ZNF419: variants seen among roughly 807,000 people sequenced by gnomAD.
The protein encoded by ZNF419 is zinc finger protein 419A.
Under a neutral mutation model 14.9 loss-of-function variants are expected in ZNF419, and 8 were observed. The observed-to-expected ratio is 0.54, with a 90% CI of 0.32 to 0.97. The LOEUF is 0.97. Among genes scored for constraint, ZNF419 ranks in the 50% least tolerant of loss-of-function variants. ZNF419 has a pLI of 0.04. For synonymous variants in ZNF419, 211 were observed against 205.3 expected (o/e 1.03, Z -0.24); for missense variants, 595 against 607.2 (o/e 0.98, Z 0.21).
rs1299723934 is a variant in ZNF419 at position 57,494,025 on chromosome 19, A to T, written c.1468A>T (p.Lys490Ter). ...AKPYECRECGKFFRHNSSLFK... is the reference protein window; with the variant it reads ...AKPYECRECG ...GCCTTATGAGTGCAGGGAATGTGGG[A>T]AGTTTTTTCGCCACAACTCCAGTCT... Residue 490 changes from lysine (K) to a stop codon, truncating the protein, a stop_gained, in exon 5 of 5, where the codon AAG becomes TAG. Coordinates refer to ENST00000221735, the MANE Select transcript of ZNF419 (RefSeq NM_024691.4). LOFTEE classifies it low-confidence loss of function (END_TRUNC). 6.2e-7 allele frequency: 1 copy of T among 1,613,220 alleles called. No individual in the cohort carries two copies. Among genetic ancestry groups the T allele is most frequent in the African/African-American group, 1.3e-5 (1 of 74,994 alleles).
rs1406116159 is a variant in ZNF419 at position 57,495,254 on chromosome 19, T to A, written c.*1164T>A. 1 of 152,234 alleles carries A rather than the reference T, an allele frequency of 6.6e-6. No homozygotes were observed. Among genetic ancestry groups the A allele is most frequent in the African/African-American group, 2.4e-5 (1 of 41,446 alleles). The allele number at this position is 152,234 out of a possible 1,614,324, so 9.4% of individuals were successfully genotyped here. A position where few individuals can be genotyped will look rare whatever the true frequency, so the allele number is the denominator to read the frequency against. On this transcript the variant is annotated 3_prime_UTR_variant, in exon 5 of 5. Transcript: ENST00000221735. ...CTCAAGTGATCATCCTGCCTCAGCC[T>A]CCCAAAGTGCTGGGATTACAGGCAT... is the stretch of plus-strand genomic sequence containing the variant.
At chr19:57,488,018 C>T in intron 1 of ZNF419, 35 bp downstream of exon 1, 2 of 1,612,792 alleles carry the variant, frequency 1.2e-6, no homozygotes, top group East Asian at 2.2e-5. Flanking sequence ...CCCCCGAATC[C>T]TAAAGCCCTG....
At position 57,491,458 on chromosome 19, in the gene ZNF419, T is replaced by C. The variant is rs1335145221; in HGVS notation, c.73-13T>C. ...GAGGCTGCAGATAAACTCTACTCTG[T>C]CCATCTTAGCAGGGCTATGTGACCT... On this transcript the variant is annotated splice_polypyrimidine_tract_variant and intron_variant, in intron 2 of 4. Coordinates refer to ENST00000221735, the MANE Select transcript of ZNF419 (RefSeq NM_024691.4). 6.2e-7 allele frequency: 1 copy of C among 1,613,338 alleles called. No individual in the cohort carries two copies. The highest frequency in any genetic ancestry group is 8.5e-7 in the Non-Finnish European group (1 of 1,179,536).
At chr19:57,490,732 A>G (rs1170147075) in intron 2 of ZNF419, 1 of 154,922 alleles carries the variant, frequency 6.5e-6, no homozygotes, top group Non-Finnish European at 1.4e-5. Flanking sequence ...CAACATTAGA[A>G]AATACATGGA....
chr19:57,493,220 C>T lies in ZNF419; in HGVS notation c.663C>T (p.His221=). Residue 221 remains histidine, a synonymous_variant, in exon 5 of 5, where the codon CAC becomes CAT. Coordinates refer to ENST00000221735, the MANE Select transcript of ZNF419 (RefSeq NM_024691.4). ...GTCAGAAATATTTACTTGTTCAGCA[C>T]CAGAGACTACATGCTGGGAAAAAGA... ...AFGQKYLLVQ[H]QRLHAGKKTY... is the part of the protein sequence containing the mutation. 1.9e-6 allele frequency: 3 copies of T among 1,614,166 alleles called. No individual in the cohort carries two copies. Among genetic ancestry groups the T allele is most frequent in the Non-Finnish European group, 2.5e-6 (3 of 1,180,010 alleles).
In ZNF419 at chr19:57,493,102, C is replaced by G. The variant is rs776132425; in HGVS notation, c.545C>G (p.Thr182Arg). ...GTTCTCAAGCACCAGGTGACTCACA[C>G]AGGAGAGAAGTCACATAGGAGCTCC... ...SGVLKHQVTH[T>R]GEKSHRSSKS... The change falls in exon 5 of 5, where the codon ACA becomes AGA. Residue 182 changes from threonine (T) to arginine (R), a missense_variant. Physicochemically the swap from Thr to Arg is moderately conservative, Grantham distance 71. Transcript: ENST00000221735. The G allele has an allele frequency of 2.5e-6, 4 of 1,614,110 alleles. No homozygotes were observed. In the South Asian group the frequency reaches 3.3e-5, roughly 13 times the overall value.
At position 57,495,258 on chromosome 19, in the gene ZNF419, A is replaced by G. The variant is rs1600142843; in HGVS notation, c.*1168A>G. ...AGTGATCATCCTGCCTCAGCCTCCCAAAGTGCTGGGATTACAGGCATGAGC... is the reference window on the plus strand; with the variant it reads ...AGTGATCATCCTGCCTCAGCCTCCCGAAGTGCTGGGATTACAGGCATGAGC... On this transcript the variant is annotated 3_prime_UTR_variant, in exon 5 of 5. Coordinates refer to ENST00000221735, the MANE Select transcript of ZNF419 (RefSeq NM_024691.4). 6.6e-6 allele frequency: 1 copy of G among 152,290 alleles called. No individual in the cohort carries two copies. Among genetic ancestry groups the G allele is most frequent in the Non-Finnish European group, 1.5e-5 (1 of 68,064 alleles). The allele number at this position is 152,290 out of a possible 1,614,324, so 9.4% of individuals were successfully genotyped here. A position where few individuals can be genotyped will look rare whatever the true frequency, so the allele number is the denominator to read the frequency against.
At chr19:57,488,178 C>G (rs1447932890) in intron 1 of ZNF419, 195 bp downstream of exon 1, 3 of 783,298 alleles carry the variant, frequency 3.8e-6, no homozygotes, top group Non-Finnish European at 6.0e-6. Context: ...AGTCCCGAAC[C>G]TGAGGCCTCC....
In ZNF419 at chr19:57,494,151, A is replaced by G; in HGVS notation, c.*61A>G. 6.5e-7 allele frequency: 1 copy of G among 1,535,218 alleles called. No individual in the cohort carries two copies. Among genetic ancestry groups the G allele is most frequent in the South Asian group, 1.3e-5 (1 of 75,980 alleles). On this transcript the variant is annotated 3_prime_UTR_variant, in exon 5 of 5. Transcript: ENST00000221735. ...TTCAACACCAGAAAGTTCACAGTGG[A>G]AAAAATCTTGAAGGTAACAGATGGA... is the stretch of plus-strand genomic sequence containing the variant.
intron 4 of ZNF419, 196 bp downstream of exon 4, chr19:57,492,407 C>G (rs754688668): frequency 6.3e-6 from 5 of 790,950 alleles, no homozygotes; most frequent in Non-Finnish European, 9.1e-6. Context: ...ATGTTTCACC[C>G]AGTCATCAGC....
At chr19:57,491,997 T>A in intron 3 of ZNF419, 116 bp from the exon 4 acceptor site, 2 of 811,186 alleles carry the variant, frequency 2.5e-6, no homozygotes, top group Non-Finnish European at 4.0e-6. Context: ...ACTGTGTTGT[T>A]CCTGCAAGAC....
In ZNF419 at chr19:57,493,356, T is replaced by C; in HGVS notation, c.799T>C (p.Ser267Pro). ...RPYGCSNCGKSFSRNAHLIEH... is the reference protein window; with the variant it reads ...RPYGCSNCGKPFSRNAHLIEH... Reference sequence around the variant, plus strand: ...TTACGGGTGTAGTAACTGTGGAAAATCCTTTAGCCGTAATGCTCACCTCAT... The same window carrying C: ...TTACGGGTGTAGTAACTGTGGAAAACCCTTTAGCCGTAATGCTCACCTCAT... Residue 267 changes from serine (S) to proline (P), a missense_variant, in exon 5 of 5, where the codon TCC (serine) becomes CCC (proline). By Grantham distance (74) the Ser-to-Pro change is moderately conservative. Coordinates refer to ENST00000221735, the MANE Select transcript of ZNF419 (RefSeq NM_024691.4). The C allele has an allele frequency of 1.9e-6, 3 of 1,614,088 alleles. No homozygotes were observed. The highest frequency in any genetic ancestry group is 2.5e-6 in the Non-Finnish European group (3 of 1,180,024).
intron 4 of ZNF419, 156 bp from the exon 5 acceptor site, chr19:57,492,700 C>G (rs764657874): frequency 1.6e-5 from 17 of 1,060,614 alleles, no homozygotes; most frequent in Non-Finnish European, 2.5e-5. Flanking sequence ...AGATTCAGCA[C>G]TGCACAGCAG....
In ZNF419 at chr19:57,496,078, A is replaced by G. The variant is rs1382973895; in HGVS notation, c.*1988A>G. 1 of 152,182 alleles carries G rather than the reference A, an allele frequency of 6.6e-6. No individual in the cohort carries two copies. Among genetic ancestry groups the G allele is most frequent in the African/African-American group, 2.4e-5 (1 of 41,424 alleles). 9.4% of individuals were successfully genotyped at this position (152,182 alleles called of 1,614,324 possible). On this transcript the variant is annotated 3_prime_UTR_variant, in exon 5 of 5. Transcript: ENST00000221735. ...AAATACTGCATTGGAAAATAAATAA[A>G]TGTTCACAGAATAATGTTGACATAT...
chr19:57,488,096 G>C, intron 1 of ZNF419, 113 bp downstream of exon 1: 1 of 1,514,220 alleles, frequency 6.6e-7, no homozygotes, highest in Non-Finnish European at 9.0e-7. Context: ...TCCCGTTTCT[G>C]ACACGCAGTG....
In ZNF419 at chr19:57,487,776, A is replaced by G. The variant is rs549025351; in HGVS notation, c.-175A>G. The stretch of plus-strand genomic sequence containing the variant: ...GTATTCACTTTCGCGACTCAGGTGA[A>G]CTAACCTGCGAGAAGCTGGTTGTGC... On this transcript the variant is annotated 5_prime_UTR_variant, in exon 1 of 5. Transcript: ENST00000221735. 2.5e-4 allele frequency: 218 copies of G among 855,244 alleles called. No individual in the cohort carries two copies. The highest frequency in any genetic ancestry group is 3.6e-4 in the Non-Finnish European group (195 of 539,466). 53.0% of individuals were successfully genotyped at this position (855,244 alleles called of 1,614,324 possible).
At position 57,491,562 on chromosome 19, in the gene ZNF419, T is replaced by C; in HGVS notation, c.164T>C (p.Val55Ala). The change falls in exon 3 of 5, where the codon GTG becomes GCG. Residue 55 changes from valine to alanine, a missense_variant. Coordinates refer to ENST00000221735, the MANE Select transcript of ZNF419 (RefSeq NM_024691.4). ...GCTCAGAGGCTCCTCTACCGCAATG[T>C]GATGCTGGAGAACTTTACACTTCTG... ...DDAQRLLYRN[V>A]MLENFTLLAS... The C allele has an allele frequency of 2.5e-6, 4 of 1,614,090 alleles. No homozygotes were observed. The South Asian group carries it at 4.4e-5, about 18-fold the overall frequency.
chr19:57,492,322 C>T (rs2089506566), intron 4 of ZNF419, 111 bp downstream of exon 4: 26 of 1,217,920 alleles, frequency 2.1e-5, no homozygotes, highest in South Asian at 1.4e-4. Flanking sequence ...TGATTTCTAT[C>T]TTTTCTTCCT....
chr19:57,494,323 A>G lies in ZNF419; in HGVS notation c.*233A>G. On this transcript the variant is annotated 3_prime_UTR_variant, in exon 5 of 5. Coordinates refer to ENST00000221735, the MANE Select transcript of ZNF419 (RefSeq NM_024691.4). The stretch of plus-strand genomic sequence containing the variant: ...CACTGGAGAAAGGCCTTAGGGTGAC[A>G]GGTTATGTACTGTCTCTGAATCAAT... The G allele has an allele frequency of 3.3e-6, 2 of 597,928 alleles. No individual in the cohort carries two copies. Among genetic ancestry groups the G allele is most frequent in the East Asian group, 6.0e-5 (2 of 33,472 alleles). The allele number at this position is 597,928 out of a possible 1,614,324, so 37.0% of individuals were successfully genotyped here. A position where few individuals can be genotyped will look rare whatever the true frequency, so the allele number is the denominator to read the frequency against.
Sources: gnomAD v4.1 joint callset for allele counts on GRCh38, gnomAD v4.1.1 for gene constraint, MANE v1.5 for transcripts, NCBI Gene and HGNC (gene_info 2026-07-23, HGNC 2026-07-21) for gene names.